PEAK1: variants seen among roughly 807,000 people sequenced by gnomAD.
PEAK1 encodes pseudopodium enriched atypical kinase 1.
A neutral mutation model predicts 124.7 loss-of-function variants in PEAK1; 54 were observed. The ratio of observed to expected loss-of-function variants is 0.43; its 90% CI spans 0.35 to 0.54. The LOEUF (loss-of-function observed/expected upper bound fraction) is 0.54, where lower values mean the gene tolerates loss of function less well. PEAK1 is among the 20% of genes least tolerant of loss of function. The pLI is 0.01. For missense variants in PEAK1, 2,046 were observed against 2,134.5 expected, an observed-to-expected ratio of 0.96 and a Z score of 0.82; for synonymous variants, 719 against 760.0, an observed-to-expected ratio of 0.95 and a Z score of 0.89.
chr15:77,159,311 A>G (rs1229966454), intron 7 of PEAK1, among the ~76,000 whole-genome samples: 2 of 152,202 alleles, frequency 1.3e-5, no homozygotes, highest in Non-Finnish European at 2.9e-5. Flanking sequence ...AGGCAAATGG[A>G]AAAGAAAGTT....
At chr15:77,226,044 G>GATATATATAATAAATATAT (rs57675196) in intron 6 of PEAK1, among the ~76,000 whole-genome samples, 4 of 44,998 alleles carry the variant, frequency 8.9e-5, no homozygotes, top group Non-Finnish European at 4.8e-5. Context: ...AAAATAAAGG[G>GATATATATAATAAATATAT]ATATATATAT....
intron 1 of PEAK1, among the ~76,000 whole-genome samples, chr15:77,383,282 TC>T (rs2069639743): frequency 6.6e-6 from 1 of 152,136 alleles, no homozygotes; most frequent in Non-Finnish European, 1.5e-5. Context: ...CCTCTCAGCC[TC>T]CCAAAGTGCT....
chr15:77,386,582 G>A (rs2069961105), intron 1 of PEAK1, among the ~76,000 whole-genome samples: 1 of 152,060 alleles, frequency 6.6e-6, no homozygotes, highest in Admixed American at 6.6e-5. Context: ...AAAATAGAAA[G>A]GGCTATGGAA....
intron 6 of PEAK1, among the ~76,000 whole-genome samples, chr15:77,195,049 C>T (rs1361579316): frequency 1.3e-5 from 2 of 151,904 alleles, no homozygotes; most frequent in African/African-American, 2.4e-5. Flanking sequence ...TTTTAAACAA[C>T]TTATTTTATT....
intron 1 of PEAK1, among the ~76,000 whole-genome samples, chr15:77,393,799 GA>G (rs1467686700): frequency 1.4e-4 from 21 of 152,324 alleles, no homozygotes; most frequent in Middle Eastern, 3.4e-3. Context: ...AGCCACAGTG[GA>G]ATACAGCACC....
At chr15:77,291,348 G>GCA (rs1292106804) in intron 2 of PEAK1, among the ~76,000 whole-genome samples, 1 of 152,096 alleles carries the variant, frequency 6.6e-6, no homozygotes, top group Non-Finnish European at 1.5e-5. Flanking sequence ...AGATATAAAT[G>GCA]CACACACACA....
intron 6 of PEAK1, among the ~76,000 whole-genome samples, chr15:77,200,047 A>C (rs1452146555): frequency 6.6e-6 from 1 of 152,224 alleles, no homozygotes; most frequent in Non-Finnish European, 1.5e-5. Context: ...AAGTTACATC[A>C]AGTGGGCCTA....
chr15:77,265,826 A>G (rs542906550), intron 5 of PEAK1, among the ~76,000 whole-genome samples: 25 of 152,212 alleles, frequency 1.6e-4, no homozygotes, highest in Admixed American at 6.5e-4. Context: ...TTGTGGCACT[A>G]TTCACAATAG....
chr15:77,176,516 T>G (rs1207174049), intron 7 of PEAK1, among the ~76,000 whole-genome samples: 1 of 151,878 alleles, frequency 6.6e-6, no homozygotes, highest in Admixed American at 6.6e-5. Context: ...ACTCCAGGGG[T>G]GGGGATCAGC....
intron 5 of PEAK1, among the ~76,000 whole-genome samples, chr15:77,275,484 G>A (rs62008430): frequency 0.16 from 24,194 of 152,042 alleles, 2,350 homozygotes; most frequent in Middle Eastern, 0.27. Flanking sequence ...TTGGGAGGCC[G>A]AGGCGGGTGG....
At chr15:77,304,614 A>T (rs1267749131) in intron 2 of PEAK1, among the ~76,000 whole-genome samples, 1 of 151,566 alleles carries the variant, frequency 6.6e-6, no homozygotes, top group Non-Finnish European at 1.5e-5. Context: ...CGTCCGGCCA[A>T]TTTTTTTGTA....
chr15:77,192,678 A>G (rs1029622559), intron 6 of PEAK1, among the ~76,000 whole-genome samples: 1 of 152,210 alleles, frequency 6.6e-6, no homozygotes, highest in African/African-American at 2.4e-5. Context: ...TGTGGGTGCC[A>G]GAGCACTAGG....
chr15:77,140,155 A>T (rs1204039185), intron 8 of PEAK1, among the ~76,000 whole-genome samples: 1 of 152,234 alleles, frequency 6.6e-6, no homozygotes, highest in Admixed American at 6.5e-5. Context: ...GATGAATTCT[A>T]CCAAATGTTT....
intron 5 of PEAK1, among the ~76,000 whole-genome samples, chr15:77,263,353 G>A (rs1161208815): frequency 2.0e-5 from 3 of 151,910 alleles, no homozygotes; most frequent in African/African-American, 4.8e-5. Flanking sequence ...TTGATAGACC[G>A]CTAGCTAGAC....
chr15:77,416,852 T>C (rs937090833), intron 1 of PEAK1, among the ~76,000 whole-genome samples: 4 of 152,254 alleles, frequency 2.6e-5, no homozygotes, highest in Non-Finnish European at 4.4e-5. Flanking sequence ...TGAATGCATG[T>C]TGAAATGATA....
chr15:77,382,356 G>A (rs2069551053), intron 1 of PEAK1, among the ~76,000 whole-genome samples: 4 of 152,216 alleles, frequency 2.6e-5, no homozygotes, highest in Admixed American at 2.0e-4. Context: ...TCTACTGAAT[G>A]TCTATAGATC....
At chr15:77,172,041 A>G (rs1392231718) in intron 7 of PEAK1, among the ~76,000 whole-genome samples, 1 of 152,186 alleles carries the variant, frequency 6.6e-6, no homozygotes, top group Admixed American at 6.5e-5. Context: ...GTATTTTAAT[A>G]GCTTTTTAGA....
At chr15:77,333,696 T>C (rs2066026824) in intron 2 of PEAK1, 3 of 972,594 alleles carry the variant, frequency 3.1e-6, no homozygotes, top group South Asian at 4.8e-5. Flanking sequence ...TACTAATTCA[T>C]TCTCCTAATG....
chr15:77,320,317 C>A (rs1256386618), intron 2 of PEAK1, among the ~76,000 whole-genome samples: 3 of 152,114 alleles, frequency 2.0e-5, no homozygotes, highest in Non-Finnish European at 4.4e-5. Flanking sequence ...AGCTGTCTCC[C>A]CCACTGACCT....
Sources: gnomAD v4.1 joint callset for allele counts (sites outside exome capture counted in the v4.1 genomes callset) on GRCh38, gnomAD v4.1.1 for gene constraint, MANE v1.5 for transcripts, NCBI Gene and HGNC (gene_info 2026-07-23, HGNC 2026-07-21) for gene names.